PDZRN3: variants seen among roughly 807,000 people sequenced by gnomAD.
PDZRN3 encodes E3 ubiquitin-protein ligase PDZRN3.
In PDZRN3, 38 loss-of-function variants were observed where a neutral mutation model predicts 85.7. The ratio of observed to expected loss-of-function variants is 0.44; its 90% CI spans 0.34 to 0.58. The LOEUF (loss-of-function observed/expected upper bound fraction) is 0.58, where lower values mean the gene tolerates loss of function less well. Among genes scored for constraint, PDZRN3 ranks in the 20% least tolerant of loss-of-function variants. The pLI, the probability that PDZRN3 is intolerant of heterozygous loss-of-function variation, is 0.01. For synonymous variants in PDZRN3, 759 were observed against 638.0 expected (o/e 1.19, Z -2.86); for missense variants, 1,629 against 1,506.4 (o/e 1.08, Z -1.35).
At chr3:73,485,643 C>T (rs1324352425) in intron 3 of PDZRN3, among the ~76,000 whole-genome samples, 1 of 152,104 alleles carries the variant, frequency 6.6e-6, no homozygotes, top group Non-Finnish European at 1.5e-5. Context: ...TTGGTCAAGT[C>T]CAAACTTACT....
chr3:73,601,059 C>T (rs898184693), intron 3 of PDZRN3, among the ~76,000 whole-genome samples: 2 of 152,180 alleles, frequency 1.3e-5, no homozygotes, highest in African/African-American at 2.4e-5. Flanking sequence ...ACACTCCCTC[C>T]GAGGAGGGAG....
At chr3:73,590,772 T>C (rs1702347041) in intron 3 of PDZRN3, among the ~76,000 whole-genome samples, 1 of 152,232 alleles carries the variant, frequency 6.6e-6, no homozygotes, top group Non-Finnish European at 1.5e-5. Context: ...ATCTCACTCA[T>C]GTTTCTTACA....
At chr3:73,613,700 G>A (rs561115033) in intron 1 of PDZRN3, among the ~76,000 whole-genome samples, 1 of 151,970 alleles carries the variant, frequency 6.6e-6, no homozygotes, top group African/African-American at 2.4e-5. Flanking sequence ...CAGTAACCCC[G>A]ACCCTGAAGA....
At chr3:73,577,639 T>C (rs892230149) in intron 3 of PDZRN3, among the ~76,000 whole-genome samples, 3 of 152,170 alleles carry the variant, frequency 2.0e-5, no homozygotes, top group Non-Finnish European at 2.9e-5. Context: ...GCCCCAAAGT[T>C]CCTTCCTGTG....
At chr3:73,417,245 A>C (rs1702110456) in intron 3 of PDZRN3, among the ~76,000 whole-genome samples, 2 of 151,942 alleles carry the variant, frequency 1.3e-5, no homozygotes, top group Non-Finnish European at 2.9e-5. Flanking sequence ...ATCATGGGTG[A>C]TTTTCTTCAT....
chr3:73,574,706 G>A (rs1420116213), intron 3 of PDZRN3, among the ~76,000 whole-genome samples: 1 of 152,212 alleles, frequency 6.6e-6, no homozygotes. Context: ...TGATTCACCC[G>A]CCTTGGCCTC....
intron 3 of PDZRN3, among the ~76,000 whole-genome samples, chr3:73,470,155 T>TAA (rs35962378): frequency 1.4e-5 from 2 of 147,928 alleles, no homozygotes; most frequent in East Asian, 1.9e-4. Flanking sequence ...GGCTGTTGGC[T>TAA]AAAAAAAAAA....
At chr3:73,434,380 T>C (rs993851190) in intron 3 of PDZRN3, among the ~76,000 whole-genome samples, 1 of 152,188 alleles carries the variant, frequency 6.6e-6, no homozygotes, top group African/African-American at 2.4e-5. Context: ...TTTTGAATAA[T>C]GTTCATATAA....
At chr3:73,510,876 T>G (rs1307702773) in intron 3 of PDZRN3, among the ~76,000 whole-genome samples, 1 of 152,224 alleles carries the variant, frequency 6.6e-6, no homozygotes, top group Non-Finnish European at 1.5e-5. Context: ...TATATGCATG[T>G]GGTCTCTTTC....
At chr3:73,571,842 C>T (rs976910705) in intron 3 of PDZRN3, among the ~76,000 whole-genome samples, 3 of 152,146 alleles carry the variant, frequency 2.0e-5, no homozygotes, top group African/African-American at 7.2e-5. Flanking sequence ...AAATGTGTCC[C>T]GAGCACCGTT....
intron 3 of PDZRN3, among the ~76,000 whole-genome samples, chr3:73,424,146 T>C (rs186234031): frequency 6.6e-6 from 1 of 151,976 alleles, no homozygotes; most frequent in African/African-American, 2.4e-5. Flanking sequence ...AAAACACATT[T>C]CCTAGCAAAG....
Position 73,384,049 on chromosome 3 carries a change from C to G in PDZRN3, c.2517G>C (p.Glu839Asp). ...TCCGGCTCCCGTCGCTGGCTCTCCG[C>G]TCTTTGCTTTCCAGGGGCTGGTTGG... ...LDPNQPLESK[E>D]RRASDGSRSP... is the part of the protein sequence containing the mutation. Residue 839 changes from glutamate (E) to aspartate (D), a missense_variant, in exon 10 of 10, where the codon GAG (glutamate) becomes GAC (aspartate). By Grantham distance (45) the Glu-to-Asp change is conservative (BLOSUM62 2). Coordinates refer to ENST00000263666, the MANE Select transcript of PDZRN3 (RefSeq NM_015009.3). 2 of 1,605,568 alleles carry G rather than the reference C, an allele frequency of 1.2e-6. No individual in the cohort carries two copies. Among genetic ancestry groups the G allele is most frequent in the African/African-American group, 2.7e-5 (2 of 74,840 alleles).
chr3:73,397,038 C>CT (rs199940941), intron 5 of PDZRN3, among the ~76,000 whole-genome samples: 35,006 of 143,808 alleles, frequency 0.24, 4,918 homozygotes, highest in East Asian at 0.55. Context: ...CTTTTTCTTT[C>CT]TTTTTTTTTT....
chr3:73,441,702 A>G (rs988967597), intron 3 of PDZRN3, among the ~76,000 whole-genome samples: 1 of 152,210 alleles, frequency 6.6e-6, no homozygotes, highest in African/African-American at 2.4e-5. Flanking sequence ...AAAGCAAGTA[A>G]GACCTTACAT....
chr3:73,425,111 T>C (rs1431180439), intron 3 of PDZRN3, among the ~76,000 whole-genome samples: 1 of 151,690 alleles, frequency 6.6e-6, no homozygotes, highest in African/African-American at 2.4e-5. Context: ...ACCTCCCAGG[T>C]TCATGCCATT....
chr3:73,425,822 A>G (rs573249042), intron 3 of PDZRN3, among the ~76,000 whole-genome samples: 2 of 152,332 alleles, frequency 1.3e-5, no homozygotes, highest in South Asian at 4.1e-4. Flanking sequence ...GACAGGCTGT[A>G]ACCTGAAAGC....
chr3:73,592,994 C>A (rs1371560417), intron 3 of PDZRN3, among the ~76,000 whole-genome samples: 1 of 151,972 alleles, frequency 6.6e-6, no homozygotes, highest in African/African-American at 2.4e-5. Context: ...CACAGATTAG[C>A]ATTTAAGTCA....
chr3:73,451,322 G>T (rs2106842526), intron 3 of PDZRN3, among the ~76,000 whole-genome samples: 1 of 152,328 alleles, frequency 6.6e-6, no homozygotes, highest in Non-Finnish European at 1.5e-5. Flanking sequence ...TATTTGTGTT[G>T]TTGGGAGTGG....
intron 3 of PDZRN3, among the ~76,000 whole-genome samples, chr3:73,485,585 G>C (rs1404517736): frequency 1.3e-5 from 2 of 152,158 alleles, no homozygotes; most frequent in Non-Finnish European, 2.9e-5. Flanking sequence ...TCTTATTTTA[G>C]CATAGGTGAG....
Sources: allele counts gnomAD v4.1 joint callset (sites outside exome capture counted in the v4.1 genomes callset), GRCh38; gene constraint gnomAD v4.1.1; transcripts MANE v1.5; gene names NCBI Gene and HGNC (gene_info 2026-07-23, HGNC 2026-07-21).